The following RNF216 variants were observed in gnomAD, a reference collection of about 807,000 sequenced individuals.
The protein encoded by RNF216 is ring finger protein 216.
Under a neutral mutation model 110.8 loss-of-function variants are expected in RNF216, and 72 were observed. The ratio of observed to expected loss-of-function variants is 0.65; its 90% confidence interval spans 0.54 to 0.79. The LOEUF (loss-of-function observed/expected upper bound fraction) is 0.79, where lower values mean the gene tolerates loss of function less well. Ranked by LOEUF, RNF216 falls within the 30% of genes least tolerant of loss-of-function variation. The pLI is 0.00. For missense variants in RNF216, 1,342 were observed against 1,141.2 expected (o/e 1.18, Z -2.54); for synonymous variants, 495 against 407.5 (o/e 1.21, Z -2.59).
At chr7:5,705,917 TAAAACAAAACAAAACAAAACAAAAC>T (rs55645443) in intron 13 of RNF216, among the ~76,000 whole-genome samples, 15 of 143,952 alleles carry the variant, frequency 1.0e-4, no homozygotes, top group South Asian at 2.3e-4. Flanking sequence ...CAACAAAAAC[TAAAACAAAACAAAACAAAACAAAAC>T]AAAACAAAAC....
intron 13 of RNF216, among the ~76,000 whole-genome samples, chr7:5,663,586 G>GAAAAA (rs35905773): frequency 2.5e-5 from 2 of 80,106 alleles, no homozygotes; most frequent in Non-Finnish European, 2.3e-5. Context: ...TCCACCTCAG[G>GAAAAA]AAAAAAAAAA....
At chr7:5,769,675 G>T (rs115002944) in intron 1 of RNF216, among the ~76,000 whole-genome samples, 8,305 of 151,732 alleles carry the variant, frequency 0.055, 367 homozygotes, top group African/African-American at 0.11. Context: ...AGTAAGCTAA[G>T]ATCACACCAC....
chr7:5,738,087 CAAAAAAAAAA>C (rs200643372), intron 5 of RNF216, among the ~76,000 whole-genome samples: 12 of 110,976 alleles, frequency 1.1e-4, no homozygotes, highest in South Asian at 2.8e-4. Flanking sequence ...AGACTGTCTC[CAAAAAAAAAA>C]AAAAAAAAAA....
intron 13 of RNF216, among the ~76,000 whole-genome samples, chr7:5,663,766 C>T (rs1290763670): frequency 1.3e-5 from 2 of 151,564 alleles, no homozygotes; most frequent in African/African-American, 4.9e-5. Context: ...GGTGTGGTGG[C>T]GCACGCCTGT....
At chr7:5,780,867 G>A (rs761745997) in intron 1 of RNF216, among the ~76,000 whole-genome samples, 2 of 152,230 alleles carry the variant, frequency 1.3e-5, no homozygotes, top group Non-Finnish European at 2.9e-5. Flanking sequence ...CTCCAGGGTT[G>A]GTTGCAAGTG....
chr7:5,732,080 G>A (rs996063597), intron 5 of RNF216, among the ~76,000 whole-genome samples: 5 of 151,990 alleles, frequency 3.3e-5, no homozygotes, highest in African/African-American at 9.7e-5. Flanking sequence ...GGAACACAAC[G>A]CCTGAGGCCC....
At chr7:5,628,360 ATAC>A (rs1237542438) in intron 15 of RNF216, among the ~76,000 whole-genome samples, 17 of 152,242 alleles carry the variant, frequency 1.1e-4, no homozygotes, top group Admixed American at 1.1e-3. Context: ...ACTGTCAGTT[ATAC>A]CTAGATATAG....
chr7:5,732,161 A>T (rs768060419), intron 5 of RNF216, among the ~76,000 whole-genome samples: 11 of 152,316 alleles, frequency 7.2e-5, no homozygotes, highest in Admixed American at 2.0e-4. Flanking sequence ...ACATTTTCCT[A>T]TAAAACCATT....
intron 14 of RNF216, among the ~76,000 whole-genome samples, chr7:5,642,981 A>C (rs1484103933): frequency 6.6e-6 from 1 of 152,040 alleles, no homozygotes; most frequent in Non-Finnish European, 1.5e-5. Context: ...TAAAGAATTA[A>C]GGTTACAGTC....
Position 5,770,974 on chromosome 7 carries a change from A to T in RNF216, c.-69-9836T>A, listed in dbSNP as rs547388863. 2.4e-3 allele frequency among the ~76,000 whole-genome samples: 370 copies of T among 152,114 alleles called. 2 individuals are homozygous for T. Among genetic ancestry groups the T allele is most frequent in the Non-Finnish European group, 2.8e-3 (189 of 68,006 alleles). On this transcript the variant is annotated intron_variant, in intron 1 of 16. Transcript: ENST00000389902. ...AGGCATGCACCACCACGCCCGGCTA[A>T]TTTTTGTATTGTTAGTAGAGACAGG... is the stretch of plus-strand genomic sequence containing the variant.
chr7:5,767,320 G>A (rs1179776960), intron 1 of RNF216, among the ~76,000 whole-genome samples: 2 of 152,144 alleles, frequency 1.3e-5, no homozygotes, highest in African/African-American at 4.8e-5. Context: ...CAAATCTTAA[G>A]TGTGAAAAAA....
At chr7:5,755,170 AAG>A (rs757732048) in intron 2 of RNF216, among the ~76,000 whole-genome samples, 5 of 148,456 alleles carry the variant, frequency 3.4e-5, no homozygotes, top group African/African-American at 9.9e-5. Context: ...AAAGGAAGGA[AAG>A]AGAGGAAAGG....
rs113744768 is a variant in RNF216 at position 5,769,441 on chromosome 7, G to A, written c.-69-8303C>T. 1.8e-3 allele frequency among the ~76,000 whole-genome samples: 276 copies of A among 151,492 alleles called. 3 individuals are homozygous for A. Among genetic ancestry groups the A allele is most frequent in the Middle Eastern group, 0.01 (3 of 294 alleles). On this transcript the variant is annotated intron_variant, in intron 1 of 16. Transcript: ENST00000389902. The stretch of plus-strand genomic sequence containing the variant: ...GCAAATGCCTTATTTTAAACAAAGA[G>A]GCTGGGCGTGGTGGCTCATGCCTGT...
At position 5,715,097 on chromosome 7, in the gene RNF216, ACT is replaced by A; in HGVS notation, c.1787_1788del (p.Glu596ValfsTer33). 2 of 1,613,850 alleles carry A rather than the reference ACT, an allele frequency of 1.2e-6. No homozygotes were observed. Among genetic ancestry groups the A allele is most frequent in the Non-Finnish European group, 1.7e-6 (2 of 1,179,984 alleles). The part of the protein sequence containing the change: ...QCADAHLFCK[E>X]CLIRYAQEAV... ...GCCTCTTGGGCATATCTGATGAGAC[ACT>A]CTTTGCAGAACAAGTGAGCATCTGC... On this transcript the variant is annotated frameshift_variant, in exon 11 of 17. Coordinates refer to ENST00000389902, the MANE Select transcript of RNF216 (RefSeq NM_207111.4). LOFTEE classifies it high-confidence loss of function.
intron 13 of RNF216, among the ~76,000 whole-genome samples, chr7:5,666,262 TAC>T (rs926661274): frequency 9.9e-5 from 15 of 151,366 alleles, no homozygotes; most frequent in African/African-American, 3.6e-4. Flanking sequence ...AAGTGTAATA[TAC>T]AGTTAAGACA....
At position 5,772,648 on chromosome 7, in the gene RNF216, T is replaced by C. The variant is rs924632116; in HGVS notation, c.-70+8893A>G. Among the ~76,000 whole-genome samples the C allele has an allele frequency of 7.2e-5, 11 of 152,220 alleles. 1 individual carries two copies. In the South Asian group the frequency reaches 2.1e-3, roughly 29 times the overall value. On this transcript the variant is annotated intron_variant, in intron 1 of 16. Transcript: ENST00000389902. ...CTACAAAGAGTTAATAGTCAAATAATATCAGCATTTTCTCAACTTATAGAA... is the reference window on the plus strand; with the variant it reads ...CTACAAAGAGTTAATAGTCAAATAACATCAGCATTTTCTCAACTTATAGAA...
In RNF216 at chr7:5,746,126, T is replaced by A. The variant is rs920875390; in HGVS notation, c.202-4311A>T. ...CTCCCTTTTTTGGGAAGTAACGTTTTCCTCATGGAGCTGCAAGTGTCGGAA... is the reference window on the plus strand; with the variant it reads ...CTCCCTTTTTTGGGAAGTAACGTTTACCTCATGGAGCTGCAAGTGTCGGAA... On this transcript the variant is annotated intron_variant, in intron 3 of 16. Transcript: ENST00000389902. Among the ~76,000 whole-genome samples the A allele has an allele frequency of 8.5e-5, 13 of 152,282 alleles. No homozygotes were observed. In the East Asian group the frequency reaches 2.3e-3, roughly 27 times the overall value.
intron 13 of RNF216, among the ~76,000 whole-genome samples, chr7:5,659,949 T>A (rs1788994683): frequency 8.2e-6 from 1 of 122,378 alleles, no homozygotes; most frequent in Admixed American, 1.0e-4. Flanking sequence ...ATTACATTCA[T>A]TAATTTTTTT....
intron 13 of RNF216, among the ~76,000 whole-genome samples, chr7:5,676,272 A>C (rs1268384353): frequency 6.6e-6 from 1 of 152,022 alleles, no homozygotes; most frequent in Non-Finnish European, 1.5e-5. Flanking sequence ...TTGGCCTCCC[A>C]AAGTGGGAGG....
Sources: gnomAD v4.1 joint callset for allele counts (sites outside exome capture counted in the v4.1 genomes callset) on GRCh38, gnomAD v4.1.1 for gene constraint, MANE v1.5 for transcripts, NCBI Gene and HGNC (gene_info 2026-07-23, HGNC 2026-07-21) for gene names.